ATP2B4: variants seen among roughly 807,000 people sequenced by gnomAD.
ATP2B4 encodes the protein ATPase plasma membrane Ca2+ transporting 4, also known as plasma membrane calcium-transporting ATPase 4.
ATP2B4 carries 39 observed loss-of-function variants against 110.3 expected under a neutral mutation model. That is an observed-to-expected ratio of 0.35 (90% CI 0.27 to 0.46). The LOEUF is 0.46. Among genes scored for constraint, ATP2B4 ranks in the 20% least tolerant of loss-of-function variants. ATP2B4 has a pLI of 1.00. For synonymous variants in ATP2B4, 538 were observed against 571.7 expected (o/e 0.94, Z 0.84); for missense variants, 1,135 against 1,530.9 (o/e 0.74, Z 4.32).
chr1:203,718,202 TAGA>T (rs1666214947), intron 15 of ATP2B4, among the ~76,000 whole-genome samples: 1 of 152,086 alleles, frequency 6.6e-6, no homozygotes, highest in African/African-American at 2.4e-5. Flanking sequence ...ATTCCACTTT[TAGA>T]AGAAATAATA....
At chr1:203,681,851 C>A (rs1305554695) in intron 1 of ATP2B4, among the ~76,000 whole-genome samples, 2 of 151,834 alleles carry the variant, frequency 1.3e-5, no homozygotes, top group African/African-American at 4.8e-5. Context: ...GGTATCTTAC[C>A]GCTCCCACTC....
At chr1:203,666,543 C>A (rs1664509546) in intron 1 of ATP2B4, among the ~76,000 whole-genome samples, 1 of 152,158 alleles carries the variant, frequency 6.6e-6, no homozygotes, top group African/African-American at 2.4e-5. Context: ...TTCTTCGTGC[C>A]TCCTAGGTTT....
At chr1:203,633,296 G>A (rs538313338) in intron 1 of ATP2B4, among the ~76,000 whole-genome samples, 1 of 152,168 alleles carries the variant, frequency 6.6e-6, no homozygotes, top group African/African-American at 2.4e-5. Context: ...GGAAAACTCT[G>A]AACAGAAATG....
At chr1:203,736,382 C>T (rs758068088) in intron 20 of ATP2B4, among the ~76,000 whole-genome samples, 77 of 152,128 alleles carry the variant, frequency 5.1e-4, no homozygotes, top group Non-Finnish European at 9.6e-4. Flanking sequence ...GCAGGAGAAT[C>T]GCTTGAACTC....
intron 15 of ATP2B4, among the ~76,000 whole-genome samples, chr1:203,717,534 A>G (rs1666191476): frequency 6.6e-6 from 1 of 151,828 alleles, no homozygotes; most frequent in Admixed American, 6.6e-5. Context: ...TTCTTGGTTT[A>G]TTCTTGGTTT....
chr1:203,700,610 C>T (rs1161574333), intron 5 of ATP2B4, among the ~76,000 whole-genome samples, 188 bp from the exon 6 acceptor site: 1 of 152,212 alleles, frequency 6.6e-6, no homozygotes, highest in East Asian at 1.9e-4. Flanking sequence ...ACACATTTTC[C>T]TCCTTACTCC....
At chr1:203,686,210 G>A (rs543652625) in intron 2 of ATP2B4, among the ~76,000 whole-genome samples, 3 of 152,246 alleles carry the variant, frequency 2.0e-5, no homozygotes, top group Non-Finnish European at 4.4e-5. Flanking sequence ...AGATTATGCA[G>A]TACTTTACAA....
chr1:203,717,926 G>A (rs756510218), intron 15 of ATP2B4, among the ~76,000 whole-genome samples: 1 of 152,086 alleles, frequency 6.6e-6, no homozygotes, highest in Non-Finnish European at 1.5e-5. Flanking sequence ...TTACAGGGGT[G>A]AGCCACCGCG....
At chr1:203,633,385 A>C (rs1663335282) in intron 1 of ATP2B4, among the ~76,000 whole-genome samples, 1 of 152,300 alleles carries the variant, frequency 6.6e-6, no homozygotes, top group South Asian at 2.1e-4. Flanking sequence ...GCTGGAGCCC[A>C]GGCGTTTGAG....
Position 203,721,262 on chromosome 1 carries a change from G to A in ATP2B4, c.2664G>A (p.Leu888=), listed in dbSNP as rs1452070528. ...TGATCATGGACACTTTTGCTTCATT[G>A]GCCCTGGCCACAGAGCCCCCTACGG... The part of the protein sequence containing the change: ...VNLIMDTFAS[L]ALATEPPTES... The change falls in exon 17 of 21, where the codon TTG becomes TTA. Residue 888 remains leucine (L), a synonymous_variant. Transcript: ENST00000357681. The A allele has an allele frequency of 1.2e-6, 2 of 1,614,224 alleles. No homozygotes were observed. Among genetic ancestry groups the A allele is most frequent in the Admixed American group, 1.7e-5 (1 of 60,022 alleles).
At chr1:203,732,986 T>C (rs1205889823) in intron 20 of ATP2B4, among the ~76,000 whole-genome samples, 1 of 152,180 alleles carries the variant, frequency 6.6e-6, no homozygotes, top group African/African-American at 2.4e-5. Context: ...GGCTGGGCGT[T>C]GGGACTCCAT....
intron 1 of ATP2B4, among the ~76,000 whole-genome samples, chr1:203,681,512 C>T (rs1284171715): frequency 6.6e-6 from 1 of 152,114 alleles, no homozygotes; most frequent in African/African-American, 2.4e-5. Flanking sequence ...GTCCCATGTT[C>T]TGGTGCTGTG....
At chr1:203,711,292 T>C (rs2236552) in intron 12 of ATP2B4, among the ~76,000 whole-genome samples, 184 bp downstream of exon 12, 13,955 of 152,182 alleles carry the variant, frequency 0.092, 1,712 homozygotes, top group East Asian at 0.31. Context: ...CTAGGACTAA[T>C]GCTGTCTGAG....
intron 1 of ATP2B4, among the ~76,000 whole-genome samples, chr1:203,680,449 A>T (rs1016263095): frequency 6.6e-6 from 1 of 152,020 alleles, no homozygotes. Flanking sequence ...CTCCACTAAA[A>T]ATACAAAAAA....
rs556156544 is a variant in ATP2B4, at chr1:203,716,723, C to A, written c.2406+2446C>A. Among the ~76,000 whole-genome samples the A allele has an allele frequency of 4.1e-5, 6 of 144,986 alleles. 2 individuals are homozygous for A. In the East Asian group the frequency reaches 1.2e-3, roughly 30 times the overall value. On this transcript the variant is annotated intron_variant, in intron 15 of 20. Transcript: ENST00000357681. ...GGTTGTTTGTCTGCAGAGACTATCC[C>A]TCAGTATAGATTTTGTTGATTATTT...
intron 1 of ATP2B4, among the ~76,000 whole-genome samples, chr1:203,680,583 T>C (rs1016900743): frequency 7.5e-6 from 1 of 132,550 alleles, no homozygotes; most frequent in African/African-American, 2.8e-5. Flanking sequence ...CACTCCAGCC[T>C]GGGCGACAGA....
chr1:203,732,177 G>A (rs1666745873), intron 20 of ATP2B4, among the ~76,000 whole-genome samples: 2 of 146,786 alleles, frequency 1.4e-5, no homozygotes, highest in South Asian at 2.2e-4. Flanking sequence ...AAAAAAAAAA[G>A]GAAGGAAGGA....
chr1:203,657,787 T>C, intron 1 of ATP2B4: 1 of 616,646 alleles, frequency 1.6e-6, no homozygotes. Context: ...CCACCAGGAG[T>C]AGCCCCTGAG....
chr1:203,724,950 C>T (rs1666464719), intron 19 of ATP2B4, among the ~76,000 whole-genome samples: 1 of 143,752 alleles, frequency 7.0e-6, no homozygotes, highest in Non-Finnish European at 1.5e-5. Context: ...GATCTCGGCT[C>T]ACTGCAAACT....
Sources: gnomAD v4.1 joint callset for allele counts (sites outside exome capture counted in the v4.1 genomes callset) on GRCh38, gnomAD v4.1.1 for gene constraint, MANE v1.5 for transcripts, NCBI Gene and HGNC (gene_info 2026-07-23, HGNC 2026-07-21) for gene names.